ADGRL3: variants seen among roughly 807,000 people sequenced by gnomAD.
The protein encoded by ADGRL3 is adhesion G protein-coupled receptor L3, also known as calcium-independent alpha-latrotoxin receptor 3.
A neutral mutation model predicts 153.5 loss-of-function variants in ADGRL3; 62 were observed. The ratio of observed to expected loss-of-function variants is 0.40; its 90% confidence interval spans 0.33 to 0.50. The LOEUF (loss-of-function observed/expected upper bound fraction) is 0.50, where lower values mean the gene tolerates loss of function less well. Among genes scored for constraint, ADGRL3 ranks in the 20% least tolerant of loss-of-function variants. The pLI is 0.47. For missense variants in ADGRL3, 1,641 were observed against 1,859.4 expected, an observed-to-expected ratio of 0.88 and a Z score of 2.16; for synonymous variants, 710 against 672.5, an observed-to-expected ratio of 1.06 and a Z score of -0.86.
At chr4:61,790,727 C>G (rs1434404657) in intron 8 of ADGRL3, among the ~76,000 whole-genome samples, 1 of 152,198 alleles carries the variant, frequency 6.6e-6, no homozygotes, top group Non-Finnish European at 1.5e-5. Context: ...AAGACATACC[C>G]AAGACTGGGC....
At chr4:61,568,004 G>A in intron 4 of ADGRL3, among the ~76,000 whole-genome samples, 1 of 152,082 alleles carries the variant, frequency 6.6e-6, no homozygotes, top group East Asian at 1.9e-4. Context: ...GTCAAGGCAG[G>A]AAGTAAATTG....
At position 61,587,323 on chromosome 4, in the gene ADGRL3, T is replaced by C; in HGVS notation, c.356T>C (p.Ile119Thr). 1 of 1,612,214 alleles carries C rather than the reference T, an allele frequency of 6.2e-7. No individual in the cohort carries two copies. Among genetic ancestry groups the C allele is most frequent in the Non-Finnish European group, 8.5e-7 (1 of 1,178,966 alleles). The change falls in exon 5 of 27, where the codon ATC becomes ACC. Residue 119 changes from isoleucine to threonine, a missense_variant. This residue lies in a region of ADGRL3 where 213 missense variants were observed against 362.1 expected (regional missense o/e 0.59). Transcript: ENST00000683033. Reference protein sequence around the residue: ...IELRCPGTDVIMIESANYGRT... With the variant: ...IELRCPGTDVTMIESANYGRT... ...CTTCGCTGTCCAGGAACAGACGTCATCATGATAGAAAGTGCCAACTATGGC... is the reference window on the plus strand; with the variant it reads ...CTTCGCTGTCCAGGAACAGACGTCACCATGATAGAAAGTGCCAACTATGGC...
At chr4:61,855,582 A>G (rs1005449615) in intron 9 of ADGRL3, among the ~76,000 whole-genome samples, 1 of 152,192 alleles carries the variant, frequency 6.6e-6, no homozygotes, top group African/African-American at 2.4e-5. Flanking sequence ...AACTGGGATT[A>G]TAGAAAATAT....
intron 2 of ADGRL3, among the ~76,000 whole-genome samples, chr4:61,454,315 T>C (rs1172298766): frequency 1.3e-5 from 2 of 152,224 alleles, no homozygotes; most frequent in Admixed American, 6.6e-5. Context: ...AGGTGCATTT[T>C]GATTATTGAC....
chr4:62,064,478 A>G (rs78424756), intron 25 of ADGRL3, among the ~76,000 whole-genome samples: 3,894 of 152,188 alleles, frequency 0.026, 177 homozygotes, highest in African/African-American at 0.09. Flanking sequence ...ACCACAAGAG[A>G]AAATTATTCA....
chr4:61,638,620 C>A (rs1175294368), intron 5 of ADGRL3, among the ~76,000 whole-genome samples: 1 of 152,106 alleles, frequency 6.6e-6, no homozygotes, highest in Non-Finnish European at 1.5e-5. Flanking sequence ...GTTACTACTA[C>A]TACAAATATT....
intron 21 of ADGRL3, among the ~76,000 whole-genome samples, chr4:61,999,732 A>C (rs938378389): frequency 2.0e-5 from 3 of 152,166 alleles, no homozygotes; most frequent in Non-Finnish European, 4.4e-5. Flanking sequence ...GAATAAAGTA[A>C]TATATTAAAG....
intron 5 of ADGRL3, among the ~76,000 whole-genome samples, chr4:61,622,494 C>A (rs928962253): frequency 6.6e-6 from 1 of 151,750 alleles, no homozygotes; most frequent in African/African-American, 2.4e-5. Flanking sequence ...CATTAAGAAT[C>A]TTTTTATACA....
At chr4:61,511,113 T>C (rs2098461379) in intron 3 of ADGRL3, among the ~76,000 whole-genome samples, 1 of 152,154 alleles carries the variant, frequency 6.6e-6, no homozygotes, top group African/African-American at 2.4e-5. Flanking sequence ...ATCCCAACAC[T>C]GTGGGAGGGC....
chr4:61,419,346 GA>G (rs2097176831), intron 2 of ADGRL3, among the ~76,000 whole-genome samples: 1 of 150,692 alleles, frequency 6.6e-6, no homozygotes, highest in Non-Finnish European at 1.5e-5. Flanking sequence ...ATTTAAGAAA[GA>G]ATAATGAAAA....
chr4:61,263,416 T>C lies in ADGRL3; in HGVS notation c.-240+61651T>C, dbSNP rs191558139. On this transcript the variant is annotated intron_variant, in intron 1 of 26. Transcript: ENST00000683033. ...TTAACCCTTTCAGTATGAGCTGTAATTGAATGTAAATTGTAAAGCAGTTGT... is the reference window on the plus strand; with the variant it reads ...TTAACCCTTTCAGTATGAGCTGTAACTGAATGTAAATTGTAAAGCAGTTGT... Among the ~76,000 whole-genome samples, 23 of 151,562 alleles carry C rather than the reference T, an allele frequency of 1.5e-4. No homozygotes were observed. In the East Asian group the frequency reaches 3.7e-3, roughly 24 times the overall value.
chr4:62,040,903 A>C (rs1313644422), intron 24 of ADGRL3, among the ~76,000 whole-genome samples: 2 of 152,094 alleles, frequency 1.3e-5, no homozygotes, highest in South Asian at 4.1e-4. Flanking sequence ...AAAGGAGAAA[A>C]GGAAATTCAG....
chr4:61,597,137 A>C (rs2098992348), intron 5 of ADGRL3, among the ~76,000 whole-genome samples: 2 of 152,086 alleles, frequency 1.3e-5, no homozygotes, highest in Non-Finnish European at 2.9e-5. Flanking sequence ...AAGTGCCCAT[A>C]ACTATTAGTA....
At chr4:61,488,843 T>C (rs1579139469) in intron 2 of ADGRL3, among the ~76,000 whole-genome samples, 1 of 152,122 alleles carries the variant, frequency 6.6e-6, no homozygotes, top group East Asian at 1.9e-4. Flanking sequence ...TTAAGGTATT[T>C]TTCTTTTCTC....
chr4:61,261,647 G>T (rs1277990343), intron 1 of ADGRL3, among the ~76,000 whole-genome samples: 1 of 152,014 alleles, frequency 6.6e-6, no homozygotes, highest in Non-Finnish European at 1.5e-5. Flanking sequence ...TCAAGAGCTG[G>T]TTTATAGGCA....
rs1015619973 is a variant in ADGRL3 at position 61,267,622 on chromosome 4, G to A, written c.-240+65857G>A. Among the ~76,000 whole-genome samples, 3 of 151,606 alleles carry A rather than the reference G, an allele frequency of 2.0e-5. No homozygotes were observed. The East Asian group carries it at 5.8e-4, about 29-fold the overall frequency. Reference sequence around the variant, plus strand: ...GTAAGTATGATTAATAGGGATGGCTGCCCCTTTTCCTGATATCATGATTCA... The same window carrying A: ...GTAAGTATGATTAATAGGGATGGCTACCCCTTTTCCTGATATCATGATTCA... On this transcript the variant is annotated intron_variant, in intron 1 of 26. Transcript: ENST00000683033.
intron 1 of ADGRL3, among the ~76,000 whole-genome samples, chr4:61,376,240 G>A (rs1487859390): frequency 1.3e-5 from 2 of 152,030 alleles, no homozygotes; most frequent in Non-Finnish European, 2.9e-5. Context: ...AGTATAGAGG[G>A]TAGTCACATT....
chr4:61,973,913 T>C (rs2099038520), intron 17 of ADGRL3, among the ~76,000 whole-genome samples: 1 of 152,132 alleles, frequency 6.6e-6, no homozygotes, highest in African/African-American at 2.4e-5. Context: ...GCAATTCAGA[T>C]TCAAAAGTTA....
chr4:61,915,841 G>A (rs761629636), intron 13 of ADGRL3, among the ~76,000 whole-genome samples: 9 of 151,946 alleles, frequency 5.9e-5, no homozygotes, highest in Non-Finnish European at 1.2e-4. Context: ...TACGAAATAG[G>A]TGTGAAATAT....
Sources: allele counts gnomAD v4.1 joint callset (sites outside exome capture counted in the v4.1 genomes callset), GRCh38; gene constraint gnomAD v4.1.1; regional missense constraint gnomAD v4.1.1; transcripts MANE v1.5; gene names NCBI Gene and HGNC (gene_info 2026-07-23, HGNC 2026-07-21).